Variants in NOLC1 observed in about 807,000 individuals in gnomAD.
NOLC1 encodes the protein nucleolar and coiled-body phosphoprotein 1.
NOLC1 carries 37 observed loss-of-function variants against 73.4 expected under a neutral mutation model. That is an observed-to-expected ratio of 0.50 (90% confidence interval 0.39 to 0.66). The LOEUF is 0.66. Among genes scored for constraint, NOLC1 ranks in the 30% least tolerant of loss-of-function variants. NOLC1 has a pLI of 0.00. For missense variants in NOLC1, 921 were observed against 838.9 expected, an observed-to-expected ratio of 1.10 and a Z score of -1.21; for synonymous variants, 327 against 302.6, an observed-to-expected ratio of 1.08 and a Z score of -0.84.
chr10:102,159,190 C>T lies in NOLC1; in HGVS notation c.608-3C>T. 1 of 1,613,094 alleles carries T rather than the reference C, an allele frequency of 6.2e-7. No individual in the cohort carries two copies. The highest frequency in any genetic ancestry group is 8.5e-7 in the Non-Finnish European group (1 of 1,179,788). Reference sequence around the variant, plus strand: ...TACTCTTTCTTTTTCTTGGGTATTCCAGCTCGAGCAGCACCTAAAATAGCC... The same window carrying T: ...TACTCTTTCTTTTTCTTGGGTATTCTAGCTCGAGCAGCACCTAAAATAGCC... On this transcript the variant is annotated splice_polypyrimidine_tract_variant and splice_region_variant and intron_variant, in intron 5 of 12. Transcript: ENST00000605788.
chr10:102,162,049 A>C, intron 12 of NOLC1, 62 bp from the exon 13 acceptor site: 3 of 1,605,338 alleles, frequency 1.9e-6, no homozygotes, highest in Middle Eastern at 2.0e-4. Context: ...GAGTAGAAAG[A>C]ATAAAGTGAC....
At chr10:102,152,594 G>A (rs1399515068) in intron 1 of NOLC1, 64 bp downstream of exon 1, 3 of 1,602,388 alleles carry the variant, frequency 1.9e-6, no homozygotes, top group Non-Finnish European at 2.6e-6. Context: ...GCCCTGACGT[G>A]CTTAGGTTTC....
In NOLC1 at chr10:102,160,035, G is replaced by A. The variant is rs1048222460; in HGVS notation, c.988+11G>A. The stretch of plus-strand genomic sequence containing the variant: ...GCAGTGATGAGTCTGGTGAGTCAGA[G>A]GGATGCAGCCTCCCCTCAGCGTGGG... On this transcript the variant is annotated intron_variant, in intron 8 of 12. Coordinates refer to ENST00000605788, the MANE Select transcript of NOLC1 (RefSeq NM_004741.5). The A allele has an allele frequency of 6.2e-7, 1 of 1,611,174 alleles. No homozygotes were observed. The highest frequency in any genetic ancestry group is 1.3e-5 in the African/African-American group (1 of 74,794).
In NOLC1 at chr10:102,160,488, A is replaced by G; in HGVS notation, c.1136A>G (p.Lys379Arg). 6.2e-7 allele frequency: 1 copy of G among 1,614,122 alleles called. No individual in the cohort carries two copies. The highest frequency in any genetic ancestry group is 2.2e-5 in the East Asian group (1 of 44,886). The change falls in exon 10 of 13, where the codon AAG becomes AGG. Residue 379 changes from lysine (K) to arginine (R), a missense_variant. Physicochemically the swap from Lys to Arg is conservative, Grantham distance 26 (BLOSUM62 2). Coordinates refer to ENST00000605788, the MANE Select transcript of NOLC1 (RefSeq NM_004741.5). ...TCTGAGGATGATGAAGCTCCTTCTA[A>G]GCCAGCTGGTACCACCAAGAATTCT... ...DSSEDDEAPSKPAGTTKNSSN... is the reference protein window; with the variant it reads ...DSSEDDEAPSRPAGTTKNSSN...
At chr10:102,161,758 G>A in intron 11 of NOLC1, 75 bp from the exon 12 acceptor site, 1 of 1,527,326 alleles carries the variant, frequency 6.5e-7, no homozygotes, top group African/African-American at 1.4e-5. Flanking sequence ...CCTGGTACAT[G>A]TGCCCATGTG....
At chr10:102,159,823 TTTCTACAAGAAAGTAG>T in intron 7 of NOLC1, 57 bp from the exon 8 acceptor site, 1 of 1,406,654 alleles carries the variant, frequency 7.1e-7, no homozygotes, top group Non-Finnish European at 9.4e-7. Flanking sequence ...TTAAGCTTCA[TTTCTACAAGAAAGTAG>T]TATCAAAAAA....
intron 1 of NOLC1, among the ~76,000 whole-genome samples, chr10:102,155,392 A>AAGAG (rs35854290): frequency 6.6e-6 from 1 of 150,910 alleles, no homozygotes; most frequent in Admixed American, 6.6e-5. Flanking sequence ...AAAAAAAAAA[A>AAGAG]AGAGAGAGAG....
rs752384937 is a variant in NOLC1, at chr10:102,161,906, A to G, written c.1922A>G (p.Asp641Gly). The change falls in exon 12 of 13, where the codon GAC becomes GGC. Residue 641 changes from aspartate (D) to glycine (G), a missense_variant. Transcript: ENST00000605788. ...EEIEVDSRVA[D>G]NSFDAKRGAA... Reference sequence around the variant, plus strand: ...ATTGAGGTGGATTCACGAGTTGCGGACAACTCCTTTGATGCCAAGGTGAGA... The same window carrying G: ...ATTGAGGTGGATTCACGAGTTGCGGGCAACTCCTTTGATGCCAAGGTGAGA... 24 of 1,614,124 alleles carry G rather than the reference A, an allele frequency of 1.5e-5. No individual in the cohort carries two copies. The highest frequency in any genetic ancestry group is 2.0e-5 in the Non-Finnish European group (24 of 1,179,998).
chr10:102,161,742 G>A, intron 11 of NOLC1, 80 bp downstream of exon 11: 2 of 1,528,364 alleles, frequency 1.3e-6, no homozygotes, highest in East Asian at 2.3e-5. Context: ...GCTCTGCCTG[G>A]CGTGACCTGG....
At position 102,160,436 on chromosome 10, in the gene NOLC1, T is replaced by C; in HGVS notation, c.1100-16T>C. On this transcript the variant is annotated splice_polypyrimidine_tract_variant and intron_variant, in intron 9 of 12. Transcript: ENST00000605788. ...CCAATTTGGGGAGCTGTTGATTCCA[T>C]CCCTTCTGTGTCTAGACTCTGACAG... 1 of 1,612,436 alleles carries C rather than the reference T, an allele frequency of 6.2e-7. No individual in the cohort carries two copies. The highest frequency in any genetic ancestry group is 8.5e-7 in the Non-Finnish European group (1 of 1,179,178).
chr10:102,155,517 A>ATTT (rs147766613), intron 1 of NOLC1, among the ~76,000 whole-genome samples: 1 of 133,956 alleles, frequency 7.5e-6, no homozygotes, highest in African/African-American at 2.7e-5. Context: ...GCCTGAATGC[A>ATTT]TTTTTTTTTT....
At position 102,159,433 on chromosome 10, in the gene NOLC1, A is replaced by T. The variant is rs758131779; in HGVS notation, c.724A>T (p.Thr242Ser). ...GTAATCAATTTTCTTTCTAATGCAG[A>T]CTGTACCTAAAAAGCAAGTTGTGGC... Reference protein sequence around the residue: ...EEKAAATPKKTVPKKQVVAKA... With the variant: ...EEKAAATPKKSVPKKQVVAKA... Residue 242 changes from threonine (T) to serine (S), a missense_variant and splice_region_variant, in exon 7 of 13, where the codon ACT becomes TCT. Physicochemically the swap from Thr to Ser is moderately conservative, Grantham distance 58. Transcript: ENST00000605788. The T allele has an allele frequency of 6.2e-7, 1 of 1,614,130 alleles. No homozygotes were observed. The highest frequency in any genetic ancestry group is 1.1e-5 in the South Asian group (1 of 91,080).
intron 1 of NOLC1, among the ~76,000 whole-genome samples, chr10:102,153,088 G>T (rs1416840359): frequency 6.6e-6 from 1 of 152,244 alleles, no homozygotes; most frequent in Non-Finnish European, 1.5e-5. Flanking sequence ...ATAGTAGTGG[G>T]CTTGGAGCTT....
At position 102,157,494 on chromosome 10, in the gene NOLC1, G is replaced by A; in HGVS notation, c.380G>A (p.Ser127Asn). Residue 127 changes from serine to asparagine, a missense_variant, in exon 4 of 13, where the codon AGC becomes AAC. Transcript: ENST00000605788. ...GCTGCAGCCAAAGCATCAGAGAGTA[G>A]CAGCAGTGAAGAGTCCAGTGATGAT... The part of the protein sequence containing the change: ...GKAAAKASES[S>N]SSEESSDDDD... 1 of 1,614,206 alleles carries A rather than the reference G, an allele frequency of 6.2e-7. No individual in the cohort carries two copies. The highest frequency in any genetic ancestry group is 1.1e-5 in the South Asian group (1 of 91,084).
chr10:102,152,865 G>C (rs2069529524), intron 1 of NOLC1, among the ~76,000 whole-genome samples: 1 of 152,228 alleles, frequency 6.6e-6, no homozygotes, highest in Non-Finnish European at 1.5e-5. Context: ...TGGTTCTTCG[G>C]CATCTTCTGG....
In NOLC1 at chr10:102,161,996, G is replaced by T. The variant is rs2069718389; in HGVS notation, c.1941+71G>T. The T allele has an allele frequency of 6.9e-6, 11 of 1,602,886 alleles. No homozygotes were observed. In the Admixed American group the frequency reaches 1.3e-4, roughly 19 times the overall value. Reference sequence around the variant, plus strand: ...GTCAGAGAGGACAATTCTTGGTTCAGGTTGGTGGGAATCTTCTCTGGGTTC... The same window carrying T: ...GTCAGAGAGGACAATTCTTGGTTCATGTTGGTGGGAATCTTCTCTGGGTTC... On this transcript the variant is annotated intron_variant, in intron 12 of 12. Transcript: ENST00000605788.
rs755517000 is a variant in NOLC1, at chr10:102,159,304, A to G, written c.719A>G (p.Lys240Arg). The stretch of plus-strand genomic sequence containing the variant: ...GAGGAGAAGGCAGCAGCCACCCCCA[A>G]GAAGGTCTGGACCATAACTTCTGTC... ...SEEEKAAATP[K>R]KTVPKKQVVA... The change falls in exon 6 of 13, where the codon AAG becomes AGG. Residue 240 changes from lysine to arginine, a missense_variant. Transcript: ENST00000605788. 1.5e-5 allele frequency: 24 copies of G among 1,614,046 alleles called. No individual in the cohort carries two copies. In the South Asian group the frequency reaches 2.1e-4, roughly 14 times the overall value.
Position 102,160,301 on chromosome 10 carries a change from C to T in NOLC1, c.1057C>T (p.Pro353Ser), listed in dbSNP as rs1203926156. The T allele has an allele frequency of 1.9e-6, 3 of 1,614,088 alleles. No individual in the cohort carries two copies. Among genetic ancestry groups the T allele is most frequent in the Non-Finnish European group, 2.5e-6 (3 of 1,180,026 alleles). ...AGTCTCTAAAGCAACCACTAAACCA[C>T]CTCCAGCAAAGAAAGCAGCAGAGAG... ...AVVSKATTKP[P>S]PAKKAAESSS... Residue 353 changes from proline to serine, a missense_variant, in exon 9 of 13, where the codon CCT (proline) becomes TCT (serine). Physicochemically the swap from Pro to Ser is moderately conservative, Grantham distance 74. Coordinates refer to ENST00000605788, the MANE Select transcript of NOLC1 (RefSeq NM_004741.5).
chr10:102,160,212 A>G, intron 8 of NOLC1, 21 bp from the exon 9 acceptor site: 2 of 1,609,132 alleles, frequency 1.2e-6, no homozygotes, highest in South Asian at 1.1e-5. Context: ...GACCCAGCAT[A>G]ATGCTACAGG....
Sources: allele counts gnomAD v4.1 joint callset (sites outside exome capture counted in the v4.1 genomes callset), GRCh38; gene constraint gnomAD v4.1.1; transcripts MANE v1.5; gene names NCBI Gene and HGNC (gene_info 2026-07-23, HGNC 2026-07-21).